Variants in NR5A1 observed in about 807,000 individuals in gnomAD.
NR5A1 encodes steroidogenic factor 1.
NR5A1 carries 6 observed loss-of-function variants against 42.7 expected under a neutral mutation model. That is an observed-to-expected ratio of 0.14 (90% CI 0.08 to 0.28). The LOEUF is 0.28. NR5A1 is among the 10% of genes least tolerant of loss of function. NR5A1 has a pLI of 1.00. For missense variants in NR5A1, 442 were observed against 626.4 expected (o/e 0.71, Z 3.14); for synonymous variants, 274 against 277.5 (o/e 0.99, Z 0.12).
At chr9:124,486,256 G>A (rs576592143) in intron 6 of NR5A1, among the ~76,000 whole-genome samples, 49 of 152,276 alleles carry the variant, frequency 3.2e-4, no homozygotes, top group Non-Finnish European at 4.6e-4. Flanking sequence ...AGTCGCTAAC[G>A]GAGCCTCAGT....
At position 124,500,348 on chromosome 9, in the gene NR5A1, G is replaced by A. The variant is rs781667131; in HGVS notation, c.612C>T (p.Pro204=). 1.9e-6 allele frequency: 3 copies of A among 1,556,570 alleles called. No homozygotes were observed. Among genetic ancestry groups the A allele is most frequent in the South Asian group, 1.2e-5 (1 of 84,846 alleles). ...KSEYPEPYAS[P]PQPGLPYGYP... The stretch of plus-strand genomic sequence containing the variant: ...AGCCGTACGGCAGCCCAGGCTGTGG[G>A]GGGCTGGCATAAGGCTCCGGGTACT... Residue 204 remains proline (P), a synonymous_variant, in exon 4 of 7, where the codon CCC becomes CCT. Transcript: ENST00000373588. The surrounding 1 kb of genome is among the most constrained non-coding windows in gnomAD (Gnocchi z 6.9).
chr9:124,491,280 C>A (rs1396679425), intron 5 of NR5A1, 52 bp from the exon 6 acceptor site: 1 of 1,462,400 alleles, frequency 6.8e-7, no homozygotes. Context: ...TGGGTCCGGG[C>A]AGGTGGCTCT....
chr9:124,506,272 A>G (rs1178266147), intron 1 of NR5A1, among the ~76,000 whole-genome samples: 1 of 152,244 alleles, frequency 6.6e-6, no homozygotes, highest in Non-Finnish European at 1.5e-5. Flanking sequence ...ATAAAGTGGA[A>G]CATGTTGGCT....
Position 124,487,662 on chromosome 9 carries a change from G to A in NR5A1, c.1138+3419C>T, listed in dbSNP as rs76309933. Among the ~76,000 whole-genome samples the A allele has an allele frequency of 6.6e-4, 100 of 152,332 alleles. No individual in the cohort carries two copies. The East Asian group carries it at 0.017, about 26-fold the overall frequency. Reference sequence around the variant, plus strand: ...GGCAGGTGGGGGAGCACAAGCACTCGTGGCCAGGCTGTCCGGCCCAGGGCG... The same window carrying A: ...GGCAGGTGGGGGAGCACAAGCACTCATGGCCAGGCTGTCCGGCCCAGGGCG... On this transcript the variant is annotated intron_variant, in intron 6 of 6. Coordinates refer to ENST00000373588, the MANE Select transcript of NR5A1 (RefSeq NM_004959.5).
At position 124,490,348 on chromosome 9, in the gene NR5A1, G is replaced by A. The variant is rs570694550; in HGVS notation, c.1138+733C>T. Among the ~76,000 whole-genome samples, 278 of 152,298 alleles carry A rather than the reference G, an allele frequency of 1.8e-3. 1 individual carries two copies. Among genetic ancestry groups the A allele is most frequent in the African/African-American group, 6.4e-3 (265 of 41,562 alleles). ...CTCAGCATCTCTGGGCATGGGGAGG[G>A]CATTTGTGATGGCTTTCCAGGGAGT... On this transcript the variant is annotated intron_variant, in intron 6 of 6. Transcript: ENST00000373588.
chr9:124,491,717 A>G (rs1315434716), intron 5 of NR5A1, among the ~76,000 whole-genome samples: 1 of 151,614 alleles, frequency 6.6e-6, no homozygotes, highest in Non-Finnish European at 1.5e-5. Context: ...GGGGTCGCCC[A>G]CTCTGTGAAG....
At chr9:124,493,184 A>G in intron 4 of NR5A1, 35 bp from the exon 5 acceptor site, 1 of 1,600,452 alleles carries the variant, frequency 6.2e-7, no homozygotes, top group Non-Finnish European at 8.5e-7. Context: ...GCCGGGCTCC[A>G]GCCAGGGTCC....
chr9:124,491,149 T>C lies in NR5A1; in HGVS notation c.1070A>G (p.Gln357Arg), dbSNP rs1401671614. The C allele has an allele frequency of 6.2e-7, 1 of 1,609,222 alleles. No individual in the cohort carries two copies. Residue 357 changes from glutamine (Q) to arginine (R), a missense_variant, in exon 6 of 7, where the codon CAG (glutamine) becomes CGG (arginine). Coordinates refer to ENST00000373588, the MANE Select transcript of NR5A1 (RefSeq NM_004959.5). ...CCGGTCCAGCTGCAGCGCAAGCAGC[T>C]GCAGCACCAGCTCCTGCGCCCGCAA... ...LVLRAQELVL[Q>R]LLALQLDRQE...
chr9:124,504,263 A>G (rs1832516893), intron 1 of NR5A1, among the ~76,000 whole-genome samples: 1 of 152,040 alleles, frequency 6.6e-6, no homozygotes, highest in Admixed American at 6.5e-5. Context: ...CTGGAGGCGG[A>G]AGCGCCCAGC....
chr9:124,504,002 G>T (rs1349424565), intron 1 of NR5A1, among the ~76,000 whole-genome samples: 2 of 150,116 alleles, frequency 1.3e-5, no homozygotes, highest in Non-Finnish European at 2.9e-5. Flanking sequence ...GACACAGGGA[G>T]GGATGGAGAG....
intron 6 of NR5A1, among the ~76,000 whole-genome samples, chr9:124,487,816 CTCTGCTCCAGACCCTGGAG>C (rs922592602): frequency 1.8e-4 from 27 of 152,358 alleles, no homozygotes; most frequent in Middle Eastern, 3.4e-3. Context: ...GAGAGGAGAC[CTCTGCTCCAGACCCTGGAG>C]TCTGCTCCAG....
In NR5A1 at chr9:124,483,018, G is replaced by T; in HGVS notation, c.1139-13C>A. 4 of 1,613,766 alleles carry T rather than the reference G, an allele frequency of 2.5e-6. No homozygotes were observed. Among genetic ancestry groups the T allele is most frequent in the Admixed American group, 1.7e-5 (1 of 60,026 alleles). ...AGGAACTTCAAATCTGCAAAGGGAGGTTCTCGGTCACCATCGCGTCACCAT... is the reference window on the plus strand; with the variant it reads ...AGGAACTTCAAATCTGCAAAGGGAGTTTCTCGGTCACCATCGCGTCACCAT... On this transcript the variant is annotated splice_polypyrimidine_tract_variant and intron_variant, in intron 6 of 6. Transcript: ENST00000373588.
rs937669714 is a variant in NR5A1 at position 124,498,295 on chromosome 9, C to G, written c.870+1795G>C. 6.6e-6 allele frequency among the ~76,000 whole-genome samples: 1 copy of G among 152,222 alleles called. No individual in the cohort carries two copies. Among genetic ancestry groups the G allele is most frequent in the African/African-American group, 2.4e-5 (1 of 41,456 alleles). ...TACGAGAGGCGCTCTAAGGGCTGGG[C>G]TGGTACTTATCTGCAAGGCCCCTTT... On this transcript the variant is annotated intron_variant, in intron 4 of 6. Transcript: ENST00000373588. This position sits in a 1 kb window ranked among gnomAD's most constrained non-coding sequence, Gnocchi z 4.6.
intron 4 of NR5A1, among the ~76,000 whole-genome samples, chr9:124,497,306 A>G (rs1256002462): frequency 6.6e-6 from 1 of 152,174 alleles, no homozygotes; most frequent in Admixed American, 6.5e-5. Context: ...CCAAAATCAT[A>G]CAGCATGTAA....
intron 4 of NR5A1, among the ~76,000 whole-genome samples, chr9:124,499,498 C>G (rs1247666038): frequency 6.6e-6 from 1 of 152,208 alleles, no homozygotes; most frequent in African/African-American, 2.4e-5. Context: ...GAGGATCTTT[C>G]ACCTTAGCTG....
At chr9:124,493,188 A>G (rs1832342976) in intron 4 of NR5A1, 39 bp from the exon 5 acceptor site, 1 of 1,597,980 alleles carries the variant, frequency 6.3e-7, no homozygotes, top group Non-Finnish European at 8.5e-7. Flanking sequence ...GGCTCCAGCC[A>G]GGGTCCAGGG....
intron 6 of NR5A1, among the ~76,000 whole-genome samples, chr9:124,484,131 C>T (rs1832171999): frequency 1.3e-5 from 2 of 152,190 alleles, no homozygotes; most frequent in African/African-American, 4.8e-5. Flanking sequence ...GTTTACTGAA[C>T]ACCATGCTGA....
At chr9:124,492,618 C>T (rs911229622) in intron 5 of NR5A1, among the ~76,000 whole-genome samples, 2 of 152,182 alleles carry the variant, frequency 1.3e-5, no homozygotes, top group Non-Finnish European at 2.9e-5. Context: ...ACCCCCACAC[C>T]GGCACCAGCA....
chr9:124,490,209 C>CA (rs1396990873), intron 6 of NR5A1, among the ~76,000 whole-genome samples: 2 of 152,250 alleles, frequency 1.3e-5, no homozygotes, highest in Non-Finnish European at 2.9e-5. Flanking sequence ...GGAAGCCTTC[C>CA]AGAAAGAGCT....
Sources: gnomAD v4.1 joint callset for allele counts (sites outside exome capture counted in the v4.1 genomes callset) on GRCh38, gnomAD v4.1.1 for gene constraint, Gnocchi (gnomAD v3.1) non-coding constraint, MANE v1.5 for transcripts, NCBI Gene and HGNC (gene_info 2026-07-23, HGNC 2026-07-21) for gene names.